ADGRV1: variants seen among roughly 807,000 people sequenced by gnomAD.
ADGRV1 encodes the protein adhesion G protein-coupled receptor V1.
ADGRV1 carries 359 observed loss-of-function variants against 596.2 expected under a neutral mutation model. The observed-to-expected ratio is 0.60, with a 90% CI of 0.55 to 0.66. The LOEUF is 0.66. Among genes scored for constraint, ADGRV1 ranks in the 30% least tolerant of loss-of-function variants. ADGRV1 has a pLI of 0.00. For synonymous variants in ADGRV1, 2,681 were observed against 2,679.2 expected (o/e 1.00, Z -0.02); for missense variants, 7,274 against 7,575.6 (o/e 0.96, Z 1.48).
At chr5:91,042,299 AT>A (rs1401495149) in intron 85 of ADGRV1, among the ~76,000 whole-genome samples, 3 of 152,234 alleles carry the variant, frequency 2.0e-5, no homozygotes, top group Admixed American at 1.3e-4. Context: ...TATAATAAAT[AT>A]CACAGTACAG....
Position 90,965,406 on chromosome 5 carries a change from T to C in ADGRV1, c.17857-9T>C. The stretch of plus-strand genomic sequence containing the variant: ...ATATTTTAAAAATAGAAGTATCTGT[T>C]TCTTACAGATTCTGTTTCTGGCGTC... On this transcript the variant is annotated splice_polypyrimidine_tract_variant and intron_variant, in intron 83 of 89. Coordinates refer to ENST00000405460, the MANE Select transcript of ADGRV1 (RefSeq NM_032119.4). 1 of 1,533,048 alleles carries C rather than the reference T, an allele frequency of 6.5e-7. No homozygotes were observed. The highest frequency in any genetic ancestry group is 9.0e-7 in the Non-Finnish European group (1 of 1,106,080). 95.0% of individuals were successfully genotyped at this position (1,533,048 alleles called of 1,614,324 possible).
At chr5:90,804,996 A>G (rs1487588190) in intron 71 of ADGRV1, 2 of 220,440 alleles carry the variant, frequency 9.1e-6, no homozygotes, top group Non-Finnish European at 1.8e-5. Context: ...CATTTAACAT[A>G]TTTTGCTTTC....
rs767679425 is a variant in ADGRV1, at chr5:90,788,259, T to G, written c.13842T>G (p.Leu4614=). Residue 4614 remains leucine, a synonymous_variant, in exon 68 of 90, where the codon CTT becomes CTG. Transcript: ENST00000405460. ...AGACATTCATTATTAAACTTCATCT[T>G]GTGAAAGGAGAAGCTAAATTAGACT... is the stretch of plus-strand genomic sequence containing the variant. ...VEETFIIKLH[L]VKGEAKLDSR... The G allele has an allele frequency of 8.1e-6, 13 of 1,612,954 alleles. No homozygotes were observed. The East Asian group carries it at 2.7e-4, about 33-fold the overall frequency.
chr5:91,133,245 G>A (rs903503765), intron 87 of ADGRV1, among the ~76,000 whole-genome samples: 2 of 152,236 alleles, frequency 1.3e-5, no homozygotes, highest in African/African-American at 4.8e-5. Flanking sequence ...AGGTTCAAGA[G>A]ATAATTCTGA....
In ADGRV1 at chr5:91,035,759, G is replaced by A. The variant is rs193281170; in HGVS notation, c.18153-36688G>A. Among the ~76,000 whole-genome samples the A allele has an allele frequency of 6.8e-3, 1,001 of 147,374 alleles. 5 individuals carry two copies. Among genetic ancestry groups the A allele is most frequent in the Admixed American group, 0.013 (186 of 14,642 alleles). ...AAGTTATTTAACCCCTCTGTTCTTT[G>A]GTTTCCTCATCTATAACATCGAATA... On this transcript the variant is annotated intron_variant, in intron 85 of 89. Transcript: ENST00000405460.
intron 83 of ADGRV1, among the ~76,000 whole-genome samples, chr5:90,871,579 G>T (rs1422625412): frequency 6.6e-6 from 1 of 152,212 alleles, no homozygotes; most frequent in African/African-American, 2.4e-5. Context: ...TTGCAACATA[G>T]CTTTCGTTAC....
rs1266013363 is a variant in ADGRV1, at chr5:91,153,469, A to G, written c.18802+71A>G. 3.4e-6 allele frequency: 4 copies of G among 1,183,462 alleles called. No homozygotes were observed. The East Asian group carries it at 7.5e-5, about 22-fold the overall frequency. The allele number at this position is 1,183,462 out of a possible 1,614,324, so 73.3% of individuals were successfully genotyped here. ...ATGTTACAATTTATATTTTCTTTCC[A>G]TGAAGTTGCAAAGTACTATCAGTCA... On this transcript the variant is annotated intron_variant, in intron 89 of 89. Transcript: ENST00000405460.
intron 1 of ADGRV1, among the ~76,000 whole-genome samples, chr5:90,570,476 G>A (rs560345836): frequency 3.7e-4 from 56 of 152,150 alleles, no homozygotes; most frequent in Admixed American, 1.4e-3. Context: ...AATCAGATTT[G>A]GGAAGCCTTC....
At chr5:91,073,877 C>T (rs1302600199) in intron 86 of ADGRV1, among the ~76,000 whole-genome samples, 1 of 152,054 alleles carries the variant, frequency 6.6e-6, no homozygotes, top group Non-Finnish European at 1.5e-5. Flanking sequence ...TTTGTATTTT[C>T]AGTGGAGATG....
At chr5:91,141,072 C>T (rs575677491) in intron 87 of ADGRV1, among the ~76,000 whole-genome samples, 1 of 152,228 alleles carries the variant, frequency 6.6e-6, no homozygotes, top group South Asian at 2.1e-4. Flanking sequence ...TTCTTAAATT[C>T]CAGATAGAAA....
intron 75 of ADGRV1, among the ~76,000 whole-genome samples, chr5:90,822,982 A>G (rs190183690): frequency 1.6e-4 from 24 of 152,282 alleles, no homozygotes; most frequent in African/African-American, 5.3e-4. Flanking sequence ...TTGATTTTGT[A>G]TCCTGAGACT....
At chr5:91,041,324 A>C (rs188928493) in intron 85 of ADGRV1, among the ~76,000 whole-genome samples, 1 of 152,176 alleles carries the variant, frequency 6.6e-6, no homozygotes, top group Non-Finnish European at 1.5e-5. Context: ...GGATGAGTTC[A>C]TGTCCTTTGC....
chr5:90,625,895 CG>C (rs1764695201), intron 6 of ADGRV1: 1 of 152,142 alleles, frequency 6.6e-6, no homozygotes, highest in South Asian at 2.1e-4. Flanking sequence ...CCACCGCACC[CG>C]GCTTGTTTGG....
chr5:91,085,429 T>G (rs939170760), intron 86 of ADGRV1, among the ~76,000 whole-genome samples: 1 of 152,162 alleles, frequency 6.6e-6, no homozygotes, highest in African/African-American at 2.4e-5. Flanking sequence ...AATTGATAAG[T>G]CTTAAGCGAT....
chr5:90,661,261 A>C (rs767114542), intron 21 of ADGRV1, among the ~76,000 whole-genome samples: 16 of 152,220 alleles, frequency 1.1e-4, no homozygotes, highest in Non-Finnish European at 1.5e-4. Flanking sequence ...TGATTCATAG[A>C]ACTTGCTAAT....
At chr5:90,633,747 A>T (rs1240049722) in intron 9 of ADGRV1, among the ~76,000 whole-genome samples, 1 of 152,056 alleles carries the variant, frequency 6.6e-6, no homozygotes, top group Non-Finnish European at 1.5e-5. Flanking sequence ...GTTTTATTTT[A>T]TGTGGCTTCA....
Position 90,642,870 on chromosome 5 carries a change from A to G in ADGRV1, c.2382A>G (p.Val794=), listed in dbSNP as rs748878078. The change falls in exon 13 of 90, where the codon GTA becomes GTG. Residue 794 remains valine (V), a synonymous_variant. Coordinates refer to ENST00000405460, the MANE Select transcript of ADGRV1 (RefSeq NM_032119.4). Reference sequence around the variant, plus strand: ...TGTTTTTAAAGGAAGGAGAATCTGTAGAGCTCCACATCATCCGATCAAGGG... The same window carrying G: ...TGTTTTTAAAGGAAGGAGAATCTGTGGAGCTCCACATCATCCGATCAAGGG... ...GPYVIKEGES[V]ELHIIRSRGS... 4 of 1,603,828 alleles carry G rather than the reference A, an allele frequency of 2.5e-6. No homozygotes were observed. Among genetic ancestry groups the G allele is most frequent in the Non-Finnish European group, 3.4e-6 (4 of 1,175,750 alleles).
At chr5:90,595,058 C>T (rs1387660783) in intron 1 of ADGRV1, among the ~76,000 whole-genome samples, 43 of 132,858 alleles carry the variant, frequency 3.2e-4, no homozygotes, top group African/African-American at 9.4e-4. Context: ...CCAGTAGGGG[C>T]GGCCGGGCAG....
intron 77 of ADGRV1, among the ~76,000 whole-genome samples, chr5:90,830,236 A>C (rs2150326955): frequency 6.6e-6 from 1 of 152,302 alleles, no homozygotes; most frequent in South Asian, 2.1e-4. Flanking sequence ...TCCACAGTGC[A>C]GCAAACAAAA....
Sources: allele counts gnomAD v4.1 joint callset (sites outside exome capture counted in the v4.1 genomes callset), GRCh38; gene constraint gnomAD v4.1.1; transcripts MANE v1.5; gene names NCBI Gene and HGNC (gene_info 2026-07-23, HGNC 2026-07-21).